The following ATP11A variants were observed in gnomAD, a reference collection of about 807,000 sequenced individuals.
ATP11A encodes phospholipid-transporting ATPase IH.
A neutral mutation model predicts 154.4 loss-of-function variants in ATP11A; 81 were observed. The observed-to-expected ratio is 0.52, with a 90% CI of 0.44 to 0.63. The LOEUF (loss-of-function observed/expected upper bound fraction) is 0.63. Among genes scored for constraint, ATP11A ranks in the 30% least tolerant of loss-of-function variants. ATP11A has a pLI of 0.00. For missense variants in ATP11A, 1,316 were observed against 1,474.3 expected (o/e 0.89, Z 1.76); for synonymous variants, 623 against 585.9 (o/e 1.06, Z -0.91).
intron 1 of ATP11A, among the ~76,000 whole-genome samples, chr13:112,727,964 T>C (rs937150985): frequency 6.6e-6 from 1 of 152,238 alleles, no homozygotes; most frequent in African/African-American, 2.4e-5. Flanking sequence ...CATGTAGGGT[T>C]CCAGCAAGGG....
intron 1 of ATP11A, among the ~76,000 whole-genome samples, chr13:112,715,557 CTGAT>C (rs1888360562): frequency 1.4e-5 from 1 of 69,318 alleles, no homozygotes; most frequent in Non-Finnish European, 3.6e-5. Context: ...CCCCACCTGC[CTGAT>C]CCTCCCCACC....
At chr13:112,802,239 A>G (rs2078155644) in intron 2 of ATP11A, among the ~76,000 whole-genome samples, 1 of 152,144 alleles carries the variant, frequency 6.6e-6, no homozygotes. Context: ...CCAATTACTC[A>G]GGAGGCTGAG....
intron 1 of ATP11A, among the ~76,000 whole-genome samples, chr13:112,705,420 C>G (rs1887035474): frequency 7.3e-6 from 1 of 136,514 alleles, no homozygotes; most frequent in African/African-American, 3.8e-5. Context: ...CACTGAGCAG[C>G]TGCTGTATGC....
chr13:112,834,766 C>T, intron 15 of ATP11A, 106 bp downstream of exon 15: 1 of 874,938 alleles, frequency 1.1e-6, no homozygotes, highest in Non-Finnish European at 1.8e-6. Context: ...TGTTCTCCCA[C>T]AATTCGCTTC....
Position 112,852,009 on chromosome 13 carries a change from TAC to T in ATP11A, c.1991+793_1991+794del, listed in dbSNP as rs572590543. ...CATCATAACTGGCAAAATTACCAATTACAGATTTTCAGGTACCTCTAAGGCAA... is the reference window on the plus strand; with the variant it reads ...CATCATAACTGGCAAAATTACCAATTAGATTTTCAGGTACCTCTAAGGCAA... On this transcript the variant is annotated intron_variant, in intron 18 of 29. Transcript: ENST00000375645. Among the ~76,000 whole-genome samples, 105 of 152,312 alleles carry T rather than the reference TAC, an allele frequency of 6.9e-4. 1 individual carries two copies. The highest frequency in any genetic ancestry group is 2.5e-3 in the African/African-American group (103 of 41,564).
intron 1 of ATP11A, among the ~76,000 whole-genome samples, chr13:112,782,261 C>T (rs978087836): frequency 3.9e-5 from 6 of 152,066 alleles, no homozygotes; most frequent in African/African-American, 1.2e-4. Flanking sequence ...GGCCGGGAAG[C>T]GTGGGCTCGC....
intron 5 of ATP11A, 107 bp downstream of exon 5, chr13:112,810,833 G>T (rs960194553): frequency 1.5e-5 from 14 of 938,898 alleles, no homozygotes; most frequent in Non-Finnish European, 2.3e-5. Context: ...CTACTCAGGA[G>T]GCTGAGGCAG....
intron 1 of ATP11A, among the ~76,000 whole-genome samples, chr13:112,738,733 C>A (rs1471498610): frequency 6.6e-6 from 1 of 151,816 alleles, no homozygotes; most frequent in Non-Finnish European, 1.5e-5. Context: ...CCTCCTCCTC[C>A]CCCAGGTCCC....
chr13:112,752,364 G>A (rs568037652), intron 1 of ATP11A, among the ~76,000 whole-genome samples: 2 of 152,328 alleles, frequency 1.3e-5, no homozygotes, highest in Admixed American at 6.5e-5. Flanking sequence ...GAGCACAGGA[G>A]TGACATGCAG....
chr13:112,692,440 A>G lies in ATP11A; in HGVS notation c.39+1985A>G, dbSNP rs77959570. 1.4e-4 allele frequency among the ~76,000 whole-genome samples: 21 copies of G among 152,232 alleles called. No homozygotes were observed. In the South Asian group the frequency reaches 2.5e-3, roughly 18 times the overall value. On this transcript the variant is annotated intron_variant, in intron 1 of 29. Coordinates refer to ENST00000375645, the MANE Select transcript of ATP11A (RefSeq NM_015205.3). Reference sequence around the variant, plus strand: ...TGGGAGGGGGACAGACAGACGTCCAATTTTGATGCTTGACTCCCTTTCTCC... The same window carrying G: ...TGGGAGGGGGACAGACAGACGTCCAGTTTTGATGCTTGACTCCCTTTCTCC...
At chr13:112,878,532 G>C (rs937556469) in intron 29 of ATP11A, 2 of 591,362 alleles carry the variant, frequency 3.4e-6, no homozygotes, top group Non-Finnish European at 6.0e-6. Context: ...CTCCCTCAGC[G>C]TCCGTGCAGC....
chr13:112,872,793 C>A (rs1335105342), intron 26 of ATP11A, among the ~76,000 whole-genome samples: 1 of 140,080 alleles, frequency 7.1e-6, no homozygotes, highest in Non-Finnish European at 1.6e-5. Flanking sequence ...TTCTTCCTCT[C>A]CACTCACACT....
intron 17 of ATP11A, among the ~76,000 whole-genome samples, 199 bp from the exon 18 acceptor site, chr13:112,850,838 T>G (rs929425048): frequency 7.2e-5 from 11 of 152,260 alleles, no homozygotes; most frequent in Admixed American, 3.9e-4. Context: ...ATTCACTTGT[T>G]GATGACTTAC....
intron 19 of ATP11A, among the ~76,000 whole-genome samples, chr13:112,855,165 C>A (rs2079885134): frequency 6.6e-6 from 1 of 152,212 alleles, no homozygotes; most frequent in Non-Finnish European, 1.5e-5. Context: ...GATCTGCAAT[C>A]TGCAGAACTC....
At chr13:112,854,155 G>T (rs1479047162) in intron 18 of ATP11A, 124 bp from the exon 19 acceptor site, 105 of 1,273,650 alleles carry the variant, frequency 8.2e-5, no homozygotes, top group Non-Finnish European at 1.1e-4. Flanking sequence ...CCACAGTGTG[G>T]AGTGTTTTGA....
chr13:112,702,295 G>A (rs1418299869), intron 1 of ATP11A, among the ~76,000 whole-genome samples: 2 of 145,132 alleles, frequency 1.4e-5, no homozygotes, highest in African/African-American at 2.5e-5. Context: ...GCAGTGAGCC[G>A]AGATCGCACC....
chr13:112,736,251 A>T (rs911282916), intron 1 of ATP11A, among the ~76,000 whole-genome samples: 1 of 152,142 alleles, frequency 6.6e-6, no homozygotes, highest in African/African-American at 2.4e-5. Context: ...TCTTAGCTTC[A>T]GTTTGCTTGT....
chr13:112,739,889 T>C (rs1274885730), intron 1 of ATP11A, among the ~76,000 whole-genome samples: 1 of 152,124 alleles, frequency 6.6e-6, no homozygotes, highest in Non-Finnish European at 1.5e-5. Flanking sequence ...GGCCACACGT[T>C]GTATGATTCT....
At chr13:112,716,358 G>T (rs906820623) in intron 1 of ATP11A, among the ~76,000 whole-genome samples, 6 of 152,174 alleles carry the variant, frequency 3.9e-5, no homozygotes, top group African/African-American at 1.4e-4. Flanking sequence ...GGTGCGTGTG[G>T]CCTGGCGTCT....
Sources: gnomAD v4.1 joint callset for allele counts (sites outside exome capture counted in the v4.1 genomes callset) on GRCh38, gnomAD v4.1.1 for gene constraint, MANE v1.5 for transcripts, NCBI Gene and HGNC (gene_info 2026-07-23, HGNC 2026-07-21) for gene names.